Variants in PCGF3 observed in about 807,000 individuals in gnomAD.
PCGF3 encodes the protein polycomb group ring finger 3.
In PCGF3, 7 loss-of-function variants were observed where a neutral mutation model predicts 33.1. That is an observed-to-expected ratio of 0.21 (90% CI 0.12 to 0.40). The LOEUF is 0.40. PCGF3 is among the 10% of genes least tolerant of loss of function. PCGF3 has a pLI of 1.00. For missense variants in PCGF3, 211 were observed against 313.3 expected (o/e 0.67, Z 2.46); for synonymous variants, 153 against 121.3 (o/e 1.26, Z -1.72).
At chr4:753,684 A>AGG (rs1744632532) in intron 8 of PCGF3, among the ~76,000 whole-genome samples, 1 of 150,280 alleles carries the variant, frequency 6.7e-6, no homozygotes, top group Non-Finnish European at 1.5e-5. Context: ...ACGGTGGCTC[A>AGG]CGCCTGTAAT....
chr4:741,505 C>T (rs1744088892), intron 6 of PCGF3, among the ~76,000 whole-genome samples: 1 of 152,208 alleles, frequency 6.6e-6, no homozygotes, highest in South Asian at 2.1e-4. Flanking sequence ...CTCCCAGGTT[C>T]ACACAGTTGT....
chr4:757,141 TTTC>T (rs1020916233), intron 8 of PCGF3: 3 of 152,164 alleles, frequency 2.0e-5, no homozygotes, highest in Admixed American at 1.3e-4. Context: ...GTAAACATAT[TTTC>T]TTCTTGTTTT....
At chr4:741,989 T>G (rs1392341927) in intron 6 of PCGF3, among the ~76,000 whole-genome samples, 1 of 152,162 alleles carries the variant, frequency 6.6e-6, no homozygotes, top group Non-Finnish European at 1.5e-5. Context: ...TGTGATTATT[T>G]AAGGGAAACA....
exon 5 of PCGF3, chr4:735,004 G>C: frequency 6.2e-7 from 1 of 1,613,178 alleles, no homozygotes; most frequent in South Asian, 1.1e-5. Context: ...TGATCCACCA[G>C]AGCCACCCCC....
intron 9 of PCGF3, among the ~76,000 whole-genome samples, chr4:763,986 T>C (rs1260832152): frequency 6.6e-6 from 1 of 152,248 alleles, no homozygotes; most frequent in African/African-American, 2.4e-5. Context: ...ACTCCAGCTC[T>C]GCAGCATGGC....
At chr4:769,438 C>T (rs1745524641) in exon 11 of PCGF3, 2 of 152,560 alleles carry the variant, frequency 1.3e-5, no homozygotes, top group South Asian at 2.1e-4. Context: ...CATCCAATTT[C>T]TCTGTTTCCT....
intron 9 of PCGF3, chr4:761,696 C>T (rs1420810009): frequency 1.0e-6 from 1 of 985,242 alleles, no homozygotes; most frequent in Non-Finnish European, 1.2e-6. Context: ...AGGTTTTCCT[C>T]AAAACGAGAA....
intron 3 of PCGF3, among the ~76,000 whole-genome samples, chr4:733,107 G>A (rs1743678407): frequency 8.0e-6 from 1 of 125,238 alleles, no homozygotes. Flanking sequence ...CCTGCCCCGT[G>A]CTGCCTCAGG....
At chr4:766,179 C>T (rs1173699615) in exon 11 of PCGF3, 3 of 885,618 alleles carry the variant, frequency 3.4e-6, no homozygotes, top group Non-Finnish European at 3.7e-6. Context: ...GTGGACCAGA[C>T]TTCTGAATAG....
intron 6 of PCGF3, among the ~76,000 whole-genome samples, chr4:738,716 G>A (rs1208555113): frequency 2.6e-5 from 4 of 151,950 alleles, no homozygotes; most frequent in Non-Finnish European, 5.9e-5. Context: ...AAAATTAGTC[G>A]GGCGTGGTGT....
intron 8 of PCGF3, among the ~76,000 whole-genome samples, chr4:758,516 C>T (rs1211458899): frequency 1.5e-5 from 2 of 135,858 alleles, no homozygotes; most frequent in African/African-American, 5.6e-5. Context: ...GACTCTGGGT[C>T]TTTCTCCCCA....
chr4:723,077 T>A (rs1345347666), intron 1 of PCGF3, among the ~76,000 whole-genome samples: 2 of 124,066 alleles, frequency 1.6e-5, no homozygotes, highest in East Asian at 2.5e-4. Flanking sequence ...CACACTCGCG[T>A]CATCGCCCAC....
intron 8 of PCGF3, among the ~76,000 whole-genome samples, chr4:759,970 T>C (rs1448312268): frequency 6.6e-6 from 1 of 152,136 alleles, no homozygotes; most frequent in East Asian, 1.9e-4. Flanking sequence ...TCTCCCGAGT[T>C]CTCTCTCCAG....
chr4:752,218 G>A (rs990746177), intron 8 of PCGF3, among the ~76,000 whole-genome samples: 1 of 152,192 alleles, frequency 6.6e-6, no homozygotes, highest in Non-Finnish European at 1.5e-5. Context: ...CCCTCCTGAG[G>A]TCCCTGGTCG....
intron 1 of PCGF3, among the ~76,000 whole-genome samples, chr4:715,843 A>G (rs1212314905): frequency 1.2e-5 from 1 of 84,146 alleles, no homozygotes; most frequent in Non-Finnish European, 2.6e-5. Flanking sequence ...GGGACCCTCT[A>G]GACACTGTGA....
rs1744226263 is a variant in PCGF3 at position 744,452 on chromosome 4, C to T, written c.374-148C>T. On this transcript the variant is annotated intron_variant, in intron 7 of 10. Coordinates refer to ENST00000362003, the Ensembl canonical transcript of PCGF3. ...GAGACCCCTGCAGACACTTTGCGGA[C>T]GGCTTTCCTTTGACGCTTACTCCGC... 1.3e-5 allele frequency: 8 copies of T among 637,314 alleles called. No individual in the cohort carries two copies. In the East Asian group the frequency reaches 1.4e-4, roughly 11 times the overall value. 39.5% of individuals were successfully genotyped at this position (637,314 alleles called of 1,614,324 possible).
chr4:735,244 A>G (rs1275940255), intron 5 of PCGF3, among the ~76,000 whole-genome samples: 3 of 152,214 alleles, frequency 2.0e-5, no homozygotes, highest in Admixed American at 6.5e-5. Context: ...CTGCACATAC[A>G]TTTCCATCAA....
rs202200895 is a variant in PCGF3, at chr4:708,095, G to GC, written c.-190+2127dup. Among the ~76,000 whole-genome samples the GC allele has an allele frequency of 1.9e-4, 28 of 144,040 alleles. 3 individuals carry two copies. Among genetic ancestry groups the GC allele is most frequent in the African/African-American group, 7.0e-4 (24 of 34,130 alleles). The allele number at this position is 144,040 out of a possible 152,430, so 94.5% of individuals were successfully genotyped here. On this transcript the variant is annotated intron_variant, in intron 1 of 10. Coordinates refer to ENST00000362003, the Ensembl canonical transcript of PCGF3. ...GGGACAGCCCTGTTTTCACCTGGGG[G>GC]CCGGGACCCTGAGACAGCCCTGTTT...
intron 6 of PCGF3, among the ~76,000 whole-genome samples, chr4:737,787 C>T (rs143392200): frequency 1.1e-3 from 175 of 152,312 alleles, no homozygotes; most frequent in African/African-American, 3.9e-3. Flanking sequence ...CAGGGCTCAA[C>T]GCAGCTCCTG....
Sources: gnomAD v4.1 joint callset for allele counts (sites outside exome capture counted in the v4.1 genomes callset) on GRCh38, gnomAD v4.1.1 for gene constraint, MANE v1.5 for transcripts, NCBI Gene and HGNC (gene_info 2026-07-23, HGNC 2026-07-21) for gene names.